CCDC88C: variants seen among roughly 807,000 people sequenced by gnomAD.
CCDC88C encodes the protein protein Daple.
CCDC88C carries 131 observed loss-of-function variants against 198.8 expected under a neutral mutation model. The observed-to-expected ratio is 0.66, with a 90% confidence interval of 0.57 to 0.76. The LOEUF is 0.76. CCDC88C is among the 30% of genes least tolerant of loss of function. The pLI is 0.00. For missense variants in CCDC88C, 2,553 were observed against 2,631.6 expected, an observed-to-expected ratio of 0.97 and a Z score of 0.65; for synonymous variants, 1,166 against 1,114.7, an observed-to-expected ratio of 1.05 and a Z score of -0.92.
At position 91,338,324 on chromosome 14, in the gene CCDC88C, C is replaced by G. The variant is rs1310073919; in HGVS notation, c.892-161G>C. Among the ~76,000 whole-genome samples the G allele has an allele frequency of 6.6e-6, 1 of 152,244 alleles. No homozygotes were observed. Among genetic ancestry groups the G allele is most frequent in the Non-Finnish European group, 1.5e-5 (1 of 68,044 alleles). Reference sequence around the variant, plus strand: ...TGCCACCACCACACGGGATCTCCACCTGCTGTCACTAAGAAACAGGGTCAT... The same window carrying G: ...TGCCACCACCACACGGGATCTCCACGTGCTGTCACTAAGAAACAGGGTCAT... On this transcript the variant is annotated intron_variant, in intron 9 of 29. Transcript: ENST00000389857. The surrounding 1 kb of genome is among the most constrained non-coding windows in gnomAD (Gnocchi z 4.8).
At position 91,338,571 on chromosome 14, in the gene CCDC88C, C is replaced by T; in HGVS notation, c.810-1G>A. ...CACAAGCTGCTCTGTCTTATCCTCC[C>T]TGCAGAGGCAGTAAGGAGAAAGAGT... is the stretch of plus-strand genomic sequence containing the variant. On this transcript the variant is annotated splice_acceptor_variant, in intron 8 of 29. Coordinates refer to ENST00000389857, the MANE Select transcript of CCDC88C (RefSeq NM_001080414.4). LOFTEE classifies it high-confidence loss of function. This position sits in a 1 kb window ranked among gnomAD's most constrained non-coding sequence, Gnocchi z 4.8. 2 of 1,559,864 alleles carry T rather than the reference C, an allele frequency of 1.3e-6. No homozygotes were observed. The highest frequency in any genetic ancestry group is 1.7e-6 in the Non-Finnish European group (2 of 1,151,700).
intron 3 of CCDC88C, among the ~76,000 whole-genome samples, chr14:91,389,929 G>A (rs2139975283): frequency 6.6e-6 from 1 of 152,008 alleles, no homozygotes. Flanking sequence ...AAAATTAGCT[G>A]GGCGTGGTGG....
rs1250145336 is a variant in CCDC88C, at chr14:91,416,684, C to G, written c.161+54G>C. 4 of 1,364,164 alleles carry G rather than the reference C, an allele frequency of 2.9e-6. No homozygotes were observed. The East Asian group carries it at 9.5e-5, about 32-fold the overall frequency. The allele number at this position is 1,364,164 out of a possible 1,614,324, so 84.5% of individuals were successfully genotyped here. A position where few individuals can be genotyped will look rare whatever the true frequency, so the allele number is the denominator to read the frequency against. ...TGCAACCTTCCACTCCATTTCTACT[C>G]TCAAACTTTCTAACGCACCATTCTT... On this transcript the variant is annotated intron_variant, in intron 2 of 29. Coordinates refer to ENST00000389857, the MANE Select transcript of CCDC88C (RefSeq NM_001080414.4).
chr14:91,287,636 CT>C (rs71120129), intron 25 of CCDC88C, among the ~76,000 whole-genome samples: 4,653 of 75,660 alleles, frequency 0.061, 28 homozygotes, highest in Middle Eastern at 0.089. Context: ...TGCACCAGGT[CT>C]TTTTTTTTTT....
Position 91,278,203 on chromosome 14 carries a change from C to T in CCDC88C, c.4777G>A (p.Glu1593Lys), listed in dbSNP as rs367683004. 23 of 1,598,434 alleles carry T rather than the reference C, an allele frequency of 1.4e-5. No homozygotes were observed. The highest frequency in any genetic ancestry group is 8.9e-5 in the South Asian group (8 of 89,704). ...SSPLNLKGSS[E>K]QLHGRSESFS... ...CTCTCAGACCGGCCATGGAGCTGCT[C>T]GGAGGAGCCTGGGTGTCAGGGCAGG... The change falls in exon 29 of 30, where the codon GAG becomes AAG. Residue 1593 changes from glutamate to lysine, a missense_variant. Physicochemically the swap from Glu to Lys is moderately conservative, Grantham distance 56. Around this residue, in one of 2 missense-constraint regions of CCDC88C, gnomAD observed 1,293 missense variants for 1,219.6 expected, o/e 1.06. Transcript: ENST00000389857.
intron 3 of CCDC88C, among the ~76,000 whole-genome samples, chr14:91,361,325 T>C (rs1162833059): frequency 6.6e-6 from 1 of 152,168 alleles, no homozygotes; most frequent in African/African-American, 2.4e-5. Context: ...CTATATCCAG[T>C]GTGCTGCTAA....
At chr14:91,400,391 G>A (rs1012634894) in intron 3 of CCDC88C, among the ~76,000 whole-genome samples, 1 of 152,234 alleles carries the variant, frequency 6.6e-6, no homozygotes, top group African/African-American at 2.4e-5. Context: ...TGGAGGGTTC[G>A]CTCTTGAATT....
intron 3 of CCDC88C, among the ~76,000 whole-genome samples, chr14:91,366,189 C>T (rs1596117777): frequency 6.9e-6 from 1 of 145,906 alleles, no homozygotes; most frequent in African/African-American, 2.8e-5. Context: ...CACACACACA[C>T]ACACACACAC....
chr14:91,411,440 G>A (rs534291827), intron 2 of CCDC88C, among the ~76,000 whole-genome samples: 1 of 152,306 alleles, frequency 6.6e-6, no homozygotes, highest in East Asian at 1.9e-4. Flanking sequence ...ACCACAGGAA[G>A]ATGTTATTAT....
intron 22 of CCDC88C, among the ~76,000 whole-genome samples, chr14:91,296,216 G>A (rs528936896): frequency 6.6e-6 from 1 of 152,214 alleles, no homozygotes; most frequent in Non-Finnish European, 1.5e-5. Flanking sequence ...CACCATCCTG[G>A]CCACAGCCCT....
intron 10 of CCDC88C, among the ~76,000 whole-genome samples, chr14:91,335,436 C>T (rs1317027518): frequency 1.3e-5 from 2 of 152,074 alleles, no homozygotes; most frequent in African/African-American, 4.8e-5. Context: ...GCTGCTTTCT[C>T]GGGCTTCCAG....
intron 27 of CCDC88C, chr14:91,281,044 G>A (rs188291729): frequency 1.9e-4 from 79 of 408,194 alleles, no homozygotes; most frequent in Admixed American, 3.6e-4. Context: ...TAACATGCTC[G>A]AATCCAATGA....
At chr14:91,323,756 G>T (rs1596071007) in intron 12 of CCDC88C, among the ~76,000 whole-genome samples, 1 of 152,328 alleles carries the variant, frequency 6.6e-6, no homozygotes, top group Middle Eastern at 3.4e-3. Flanking sequence ...CCACCTCTCT[G>T]CTCCACCAGG....
rs775816485 is a variant in CCDC88C at position 91,313,620 on chromosome 14, C to A, written c.2196G>T (p.Gln732His). 1 of 1,612,770 alleles carries A rather than the reference C, an allele frequency of 6.2e-7. No individual in the cohort carries two copies. Among genetic ancestry groups the A allele is most frequent in the South Asian group, 1.1e-5 (1 of 91,080 alleles). The change falls in exon 15 of 30, where the codon CAG (glutamine) becomes CAT (histidine). Residue 732 changes from glutamine (Q) to histidine (H), a missense_variant. Gln to His is a conservative substitution (Grantham distance 24). Coordinates refer to ENST00000389857, the MANE Select transcript of CCDC88C (RefSeq NM_001080414.4). The surrounding 1 kb of genome is among the most constrained non-coding windows in gnomAD (Gnocchi z 5.2). Reference protein sequence around the residue: ...KLAQMERENQQLEREKEELRK... With the variant: ...KLAQMERENQHLEREKEELRK... ...TCAGCTCCTCCTTCTCACGCTCCAGCTGCTGGTTCTCCCTCTCCATCTGTG... is the reference window on the plus strand; with the variant it reads ...TCAGCTCCTCCTTCTCACGCTCCAGATGCTGGTTCTCCCTCTCCATCTGTG...
chr14:91,411,410 T>C (rs1283274610), intron 2 of CCDC88C, among the ~76,000 whole-genome samples: 1 of 152,224 alleles, frequency 6.6e-6, no homozygotes, highest in East Asian at 1.9e-4. Context: ...GTAGCAAACG[T>C]GGACTGTACT....
At chr14:91,360,976 G>T (rs1396253201) in intron 3 of CCDC88C, among the ~76,000 whole-genome samples, 1 of 151,984 alleles carries the variant, frequency 6.6e-6, no homozygotes, top group East Asian at 1.9e-4. Context: ...AAAAAACTCG[G>T]ATCTACAAAA....
At chr14:91,287,250 G>C (rs954989763) in intron 25 of CCDC88C, among the ~76,000 whole-genome samples, 1 of 152,134 alleles carries the variant, frequency 6.6e-6, no homozygotes, top group African/African-American at 2.4e-5. Flanking sequence ...TGCATGTGAG[G>C]CCTCTAATTT....
rs148150655 is a variant in CCDC88C at position 91,299,474 on chromosome 14, G to A, written c.3779+453C>T. Among the ~76,000 whole-genome samples the A allele has an allele frequency of 1.4e-3, 219 of 152,352 alleles. 1 individual carries two copies. Among genetic ancestry groups the A allele is most frequent in the African/African-American group, 5.0e-3 (209 of 41,584 alleles). ...TCAGCTGGGAAGGTGCGCATCCAGT[G>A]ACTCCCGCATTTCACCACTCTGTGC... On this transcript the variant is annotated intron_variant, in intron 21 of 29. Transcript: ENST00000389857.
At chr14:91,321,035 TC>T (rs1892332951) in intron 13 of CCDC88C, 84 bp downstream of exon 13, 13 of 1,335,302 alleles carry the variant, frequency 9.7e-6, no homozygotes, top group Non-Finnish European at 1.2e-5. Flanking sequence ...CCCCTCCTTG[TC>T]TGTGCTCCAG....
Sources: gnomAD v4.1 joint callset for allele counts (sites outside exome capture counted in the v4.1 genomes callset) on GRCh38, gnomAD v4.1.1 for gene constraint, gnomAD v4.1.1 regional missense constraint, Gnocchi (gnomAD v3.1) non-coding constraint, MANE v1.5 for transcripts, NCBI Gene and HGNC (gene_info 2026-07-23, HGNC 2026-07-21) for gene names.